RRBP1: variants seen among roughly 807,000 people sequenced by gnomAD.
The protein encoded by RRBP1 is ribosome-binding protein 1.
A neutral mutation model predicts 165.2 loss-of-function variants in RRBP1; 94 were observed. The ratio of observed to expected loss-of-function variants is 0.57; its 90% confidence interval spans 0.48 to 0.68. The LOEUF (loss-of-function observed/expected upper bound fraction) is 0.68. RRBP1 is among the 30% of genes least tolerant of loss of function. The pLI is 0.00. For synonymous variants in RRBP1, 680 were observed against 714.5 expected, an observed-to-expected ratio of 0.95 and a Z score of 0.77; for missense variants, 1,676 against 1,763.0, an observed-to-expected ratio of 0.95 and a Z score of 0.88.
At position 17,643,059 on chromosome 20, in the gene RRBP1, C is replaced by A. The variant is rs1208554842; in HGVS notation, c.1981G>T (p.Val661Leu). Residue 661 changes from valine to leucine, a missense_variant, in exon 4 of 25, where the codon GTG (valine) becomes TTG (leucine). By Grantham distance (32) the Val-to-Leu change is conservative. Coordinates refer to ENST00000377813, the MANE Select transcript of RRBP1 (RefSeq NM_001365613.2). The surrounding 1 kb of genome is among the most constrained non-coding windows in gnomAD (Gnocchi z 4.3). Reference sequence around the variant, plus strand: ...CGCTGGGCCTCGCCCTCGTTGAACACCATGCTCCCAACCGTGGAGACCAGC... The same window carrying A: ...CGCTGGGCCTCGCCCTCGTTGAACAACATGCTCCCAACCGTGGAGACCAGC... Reference protein sequence around the residue: ...KTLVSTVGSMVFNEGEAQRLI... With the variant: ...KTLVSTVGSMLFNEGEAQRLI... The A allele has an allele frequency of 6.2e-7, 1 of 1,614,140 alleles. No individual in the cohort carries two copies. Among genetic ancestry groups the A allele is most frequent in the Non-Finnish European group, 8.5e-7 (1 of 1,180,030 alleles).
chr20:17,619,750 C>A, intron 18 of RRBP1, 22 bp from the exon 19 acceptor site: 1 of 1,558,624 alleles, frequency 6.4e-7, no homozygotes, highest in South Asian at 1.2e-5. Context: ...CACAGACACG[C>A]ACACGCATGC....
Position 17,636,494 on chromosome 20 carries a change from C to T in RRBP1, c.2337+83G>A, listed in dbSNP as rs150782548. ...CTCAACCCCCTCCTCATGCCTCACCCTTTGGGCCTCTCTGGCTCCCTCCGT... is the reference window on the plus strand; with the variant it reads ...CTCAACCCCCTCCTCATGCCTCACCTTTTGGGCCTCTCTGGCTCCCTCCGT... On this transcript the variant is annotated intron_variant, in intron 6 of 24. Coordinates refer to ENST00000377813, the MANE Select transcript of RRBP1 (RefSeq NM_001365613.2). The T allele has an allele frequency of 0.01, 15,673 of 1,523,144 alleles. 103 individuals are homozygous for T. Among genetic ancestry groups the T allele is most frequent in the Middle Eastern group, 0.015 (86 of 5,572 alleles). The allele number at this position is 1,523,144 out of a possible 1,614,324, so 94.4% of individuals were successfully genotyped here.
chr20:17,615,021 T>C (rs1363289617), intron 23 of RRBP1, 141 bp from the exon 24 acceptor site: 4 of 948,716 alleles, frequency 4.2e-6, no homozygotes, highest in Non-Finnish European at 6.4e-6. Flanking sequence ...CGGAGATAGG[T>C]GGTGACGACA....
intron 16 of RRBP1, 57 bp from the exon 17 acceptor site, chr20:17,620,864 A>G (rs2035901192): frequency 3.9e-6 from 5 of 1,274,060 alleles, no homozygotes; most frequent in Middle Eastern, 3.8e-4. Flanking sequence ...CGCACCACAC[A>G]ACCGCATCTT....
At chr20:17,650,540 C>G (rs1228518122) in intron 3 of RRBP1, among the ~76,000 whole-genome samples, 1 of 152,188 alleles carries the variant, frequency 6.6e-6, no homozygotes, top group Admixed American at 6.5e-5. Flanking sequence ...CTCCAGACTC[C>G]CCAAGAGTGC....
chr20:17,627,645 C>T lies in RRBP1; in HGVS notation c.2787G>A (p.Val929=). The change falls in exon 10 of 25, where the codon GTG becomes GTA. Residue 929 remains valine, a synonymous_variant. Coordinates refer to ENST00000377813, the MANE Select transcript of RRBP1 (RefSeq NM_001365613.2). ...CACTCAGCTCCTCGCATTTGCTGCG[C>T]ACCTCCGCCTCGGAGGACTGTAACT... ...HSKLQSSEAE[V]RSKCEELSGL... is the part of the protein sequence containing the mutation. The T allele has an allele frequency of 6.2e-7, 1 of 1,611,686 alleles. No individual in the cohort carries two copies. The highest frequency in any genetic ancestry group is 1.1e-5 in the South Asian group (1 of 90,782).
intron 2 of RRBP1, among the ~76,000 whole-genome samples, chr20:17,667,567 G>C (rs973141216): frequency 6.6e-6 from 1 of 152,018 alleles, no homozygotes; most frequent in South Asian, 2.1e-4. Flanking sequence ...ACATCCATAC[G>C]TGACTGAATT....
intron 2 of RRBP1, among the ~76,000 whole-genome samples, chr20:17,665,915 A>T (rs2036859941): frequency 6.6e-6 from 1 of 152,182 alleles, no homozygotes; most frequent in South Asian, 2.1e-4. Flanking sequence ...TTTCCCCATC[A>T]GTTTAATTAC....
chr20:17,638,322 A>G (rs970595935), intron 5 of RRBP1, among the ~76,000 whole-genome samples: 1 of 152,200 alleles, frequency 6.6e-6, no homozygotes, highest in Admixed American at 6.5e-5. Flanking sequence ...ACCAAAGCTC[A>G]TGGAGACCAG....
Position 17,614,072 on chromosome 20 carries a change from A to C in RRBP1, c.*110T>G. ...GTCTCTCATGGCTTCTCTCGGAGCTACCGGAAGTTGGGCCTGGATAACGCT... is the reference window on the plus strand; with the variant it reads ...GTCTCTCATGGCTTCTCTCGGAGCTCCCGGAAGTTGGGCCTGGATAACGCT... On this transcript the variant is annotated 3_prime_UTR_variant, in exon 25 of 25. Transcript: ENST00000377813. 3.0e-5 allele frequency: 31 copies of C among 1,019,168 alleles called. No individual in the cohort carries two copies. Among genetic ancestry groups the C allele is most frequent in the Non-Finnish European group, 4.5e-5 (29 of 646,922 alleles). The allele number at this position is 1,019,168 out of a possible 1,614,324, so 63.1% of individuals were successfully genotyped here. A position where few individuals can be genotyped will look rare whatever the true frequency, so the allele number is the denominator to read the frequency against.
At position 17,641,350 on chromosome 20, in the gene RRBP1, G is replaced by A. The variant is rs371125705; in HGVS notation, c.2184+447C>T. The A allele has an allele frequency of 4.0e-5, 7 of 172,998 alleles. No individual in the cohort carries two copies. The East Asian group carries it at 7.0e-4, about 17-fold the overall frequency. 10.7% of individuals were successfully genotyped at this position (172,998 alleles called of 1,614,324 possible). A position where few individuals can be genotyped will look rare whatever the true frequency, so the allele number is the denominator to read the frequency against. The stretch of plus-strand genomic sequence containing the variant: ...TCTGACATCAGAAAAAGGGAGAAGA[G>A]CAGCCCCTCCAGTCCCCTCCCCACA... On this transcript the variant is annotated intron_variant, in intron 5 of 24. Coordinates refer to ENST00000377813, the MANE Select transcript of RRBP1 (RefSeq NM_001365613.2).
At position 17,614,545 on chromosome 20, in the gene RRBP1, G is replaced by A. The variant is rs1039982480; in HGVS notation, c.4194+192C>T. On this transcript the variant is annotated intron_variant, in intron 24 of 24. Coordinates refer to ENST00000377813, the MANE Select transcript of RRBP1 (RefSeq NM_001365613.2). ...ACCCCAGAAGGGTGGGTGGTGGGCC[G>A]GGTGGGCTGAAGCCCTCGTTAGGAA... Among the ~76,000 whole-genome samples, 4 of 152,156 alleles carry A rather than the reference G, an allele frequency of 2.6e-5. No homozygotes were observed. The South Asian group carries it at 6.2e-4, about 24-fold the overall frequency.
At chr20:17,676,455 GTCAC>G (rs1330900548) in intron 2 of RRBP1, among the ~76,000 whole-genome samples, 1 of 152,156 alleles carries the variant, frequency 6.6e-6, no homozygotes, top group African/African-American at 2.4e-5. Flanking sequence ...CATGTCCAAA[GTCAC>G]TCACTCACTC....
chr20:17,642,937 T>C, intron 4 of RRBP1, 42 bp downstream of exon 4: 1 of 1,600,204 alleles, frequency 6.2e-7, no homozygotes, highest in Non-Finnish European at 8.5e-7. Flanking sequence ...CCTAGCCAGC[T>C]GCAGTGGCCT....
In RRBP1 at chr20:17,660,393, CAT is replaced by C. The variant is rs1216851078; in HGVS notation, c.113_114del (p.Tyr38Ter). Reference protein sequence around the residue: ...VSTFSMKETSYEEALANQRKE... With the variant: ...VSTFSMKETSXEEALANQRKE... Reference sequence around the variant, plus strand: ...TTGCGCTGGTTGGCTAGGGCTTCTTCATATGACGTTTCCTTCATGGAGAAAGT... The same window carrying C: ...TTGCGCTGGTTGGCTAGGGCTTCTTCATGACGTTTCCTTCATGGAGAAAGT... On this transcript the variant is annotated frameshift_variant, in exon 3 of 25. Transcript: ENST00000377813. LOFTEE classifies it high-confidence loss of function. 1.2e-6 allele frequency: 2 copies of C among 1,614,042 alleles called. No homozygotes were observed. The highest frequency in any genetic ancestry group is 1.7e-6 in the Non-Finnish European group (2 of 1,180,040).
intron 2 of RRBP1, among the ~76,000 whole-genome samples, chr20:17,667,582 G>T (rs918702757): frequency 6.6e-6 from 1 of 152,116 alleles, no homozygotes; most frequent in Non-Finnish European, 1.5e-5. Flanking sequence ...TGAATTTCAT[G>T]AATGTCTCCA....
intron 19 of RRBP1, 115 bp downstream of exon 19, chr20:17,619,518 C>T (rs542205336): frequency 2.9e-4 from 203 of 688,922 alleles, no homozygotes; most frequent in African/African-American, 9.1e-5. Flanking sequence ...CCTGAGGACT[C>T]GGACTTCAAG....
intron 9 of RRBP1, 139 bp from the exon 10 acceptor site, chr20:17,627,821 T>G (rs1461384410): frequency 9.1e-6 from 7 of 768,014 alleles, no homozygotes; most frequent in Non-Finnish European, 1.4e-5. Context: ...CTGGGGCTCT[T>G]AAGACATACT....
Position 17,621,791 on chromosome 20 carries a change from C to T in RRBP1, c.3241-18G>A, listed in dbSNP as rs563834836. On this transcript the variant is annotated intron_variant, in intron 14 of 24. Coordinates refer to ENST00000377813, the MANE Select transcript of RRBP1 (RefSeq NM_001365613.2). ...GTGTAATTCTGCAATGAAACACATT[C>T]GGTGAGACCCGGGGACATTCCCTGA... The T allele has an allele frequency of 2.7e-5, 43 of 1,613,656 alleles. No homozygotes were observed. The East Asian group carries it at 4.9e-4, about 18-fold the overall frequency.
Sources: allele counts gnomAD v4.1 joint callset (sites outside exome capture counted in the v4.1 genomes callset), GRCh38; gene constraint gnomAD v4.1.1; non-coding constraint Gnocchi (gnomAD v3.1); transcripts MANE v1.5; gene names NCBI Gene and HGNC (gene_info 2026-07-23, HGNC 2026-07-21).